The following ADGRB3 variants were observed in gnomAD, a reference collection of about 807,000 sequenced individuals.
ADGRB3 encodes the protein adhesion G protein-coupled receptor B3, also known as brain-specific angiogenesis inhibitor 3.
ADGRB3 carries 37 observed loss-of-function variants against 193.4 expected under a neutral mutation model. The observed-to-expected ratio is 0.19, with a 90% confidence interval of 0.15 to 0.25. The LOEUF is 0.25. Among genes scored for constraint, ADGRB3 ranks in the 10% least tolerant of loss-of-function variants. The pLI, the probability that ADGRB3 is intolerant of heterozygous loss-of-function variation, is 1.00. For missense variants in ADGRB3, 1,637 were observed against 1,852.9 expected (o/e 0.88, Z 2.14); for synonymous variants, 690 against 644.2 (o/e 1.07, Z -1.08).
intron 3 of ADGRB3, among the ~76,000 whole-genome samples, chr6:68,843,289 A>G: frequency 6.6e-6 from 1 of 151,988 alleles, no homozygotes; most frequent in African/African-American, 2.4e-5. Flanking sequence ...CAAAGAGTCT[A>G]CCAAAAACTA....
At chr6:68,840,395 T>C (rs1327158768) in intron 3 of ADGRB3, among the ~76,000 whole-genome samples, 5 of 70,202 alleles carry the variant, frequency 7.1e-5, no homozygotes, top group Non-Finnish European at 1.2e-4. Context: ...TTTTTTTTTT[T>C]TTTTTTTTTT....
chr6:68,896,388 A>G (rs923810098), intron 3 of ADGRB3, among the ~76,000 whole-genome samples: 1 of 152,142 alleles, frequency 6.6e-6, no homozygotes, highest in African/African-American at 2.4e-5. Flanking sequence ...TCTACTCAAT[A>G]TAAGACTATT....
chr6:68,871,998 T>A lies in ADGRB3; in HGVS notation c.758-58561T>A, dbSNP rs115511822. Among the ~76,000 whole-genome samples the A allele has an allele frequency of 3.4e-3, 518 of 152,136 alleles. 4 individuals carry two copies. Among genetic ancestry groups the A allele is most frequent in the African/African-American group, 0.011 (451 of 41,568 alleles). ...TTTTGCTAAAATTTTGTGTAACAAA[T>A]ATTTTTTCATTGATATGACTGTCTT... On this transcript the variant is annotated intron_variant, in intron 3 of 31. Coordinates refer to ENST00000370598, the MANE Select transcript of ADGRB3 (RefSeq NM_001704.3).
At chr6:68,756,511 C>T (rs1177620749) in intron 3 of ADGRB3, among the ~76,000 whole-genome samples, 2 of 152,040 alleles carry the variant, frequency 1.3e-5, no homozygotes, top group Non-Finnish European at 2.9e-5. Flanking sequence ...GCATGGGCTT[C>T]TTATTTTTGA....
intron 3 of ADGRB3, among the ~76,000 whole-genome samples, chr6:68,649,251 A>G (rs1005849235): frequency 6.6e-6 from 1 of 152,172 alleles, no homozygotes; most frequent in Non-Finnish European, 1.5e-5. Context: ...TCCAAATCTT[A>G]CCTGATTAAT....
intron 17 of ADGRB3, among the ~76,000 whole-genome samples, chr6:69,143,598 A>G (rs371061215): frequency 9.9e-5 from 15 of 152,280 alleles, no homozygotes; most frequent in South Asian, 6.2e-4. Flanking sequence ...TCTTCTGCAT[A>G]TGGATATCCG....
chr6:69,303,605 T>G (rs1473417750), intron 20 of ADGRB3, among the ~76,000 whole-genome samples: 6 of 151,964 alleles, frequency 3.9e-5, no homozygotes, highest in Non-Finnish European at 8.8e-5. Context: ...CCTGACAGTT[T>G]TGGCATCTAT....
intron 3 of ADGRB3, among the ~76,000 whole-genome samples, chr6:68,868,511 T>C (rs1765366503): frequency 6.6e-6 from 1 of 152,234 alleles, no homozygotes; most frequent in Non-Finnish European, 1.5e-5. Flanking sequence ...CAAACCATTT[T>C]ATATATAACA....
chr6:69,274,299 C>G (rs1235046692), intron 20 of ADGRB3, among the ~76,000 whole-genome samples: 1 of 152,170 alleles, frequency 6.6e-6, no homozygotes, highest in Non-Finnish European at 1.5e-5. Flanking sequence ...CCCTTCAATC[C>G]TCAGGTCACA....
At chr6:69,296,301 G>A (rs1767815593) in intron 20 of ADGRB3, among the ~76,000 whole-genome samples, 1 of 152,152 alleles carries the variant, frequency 6.6e-6, no homozygotes, top group South Asian at 2.1e-4. Flanking sequence ...TGAAAAACTA[G>A]CTTGCATGGT....
At chr6:69,270,293 A>T (rs1341155403) in intron 20 of ADGRB3, among the ~76,000 whole-genome samples, 1 of 152,206 alleles carries the variant, frequency 6.6e-6, no homozygotes, top group Non-Finnish European at 1.5e-5. Context: ...AGCAACAAGA[A>T]GAAAGGATGT....
intron 17 of ADGRB3, among the ~76,000 whole-genome samples, chr6:69,186,855 C>T (rs542566631): frequency 6.6e-6 from 1 of 151,518 alleles, no homozygotes; most frequent in African/African-American, 2.4e-5. Flanking sequence ...AGTACTATTA[C>T]CAGTGCTTGG....
intron 11 of ADGRB3, among the ~76,000 whole-genome samples, chr6:69,003,835 A>T (rs1314097207): frequency 2.6e-5 from 4 of 152,196 alleles, no homozygotes; most frequent in African/African-American, 9.7e-5. Flanking sequence ...GAGGGGAACT[A>T]ACAAGCTCCA....
chr6:68,810,879 A>C (rs962114409), intron 3 of ADGRB3, among the ~76,000 whole-genome samples: 1 of 152,178 alleles, frequency 6.6e-6, no homozygotes, highest in Admixed American at 6.5e-5. Flanking sequence ...ATTTGGTAAA[A>C]ATAAAAAGTA....
At chr6:68,889,290 T>A (rs1196481854) in intron 3 of ADGRB3, among the ~76,000 whole-genome samples, 1 of 152,152 alleles carries the variant, frequency 6.6e-6, no homozygotes, top group African/African-American at 2.4e-5. Context: ...AAGTTATGAC[T>A]GAAAAAAACA....
chr6:68,849,214 C>T (rs1378231302), intron 3 of ADGRB3, among the ~76,000 whole-genome samples: 2 of 151,934 alleles, frequency 1.3e-5, no homozygotes, highest in African/African-American at 2.4e-5. Flanking sequence ...AGTGAAAGTA[C>T]TTCCTAATAT....
chr6:68,869,231 C>T (rs531046573), intron 3 of ADGRB3, among the ~76,000 whole-genome samples: 1 of 152,062 alleles, frequency 6.6e-6, no homozygotes, highest in African/African-American at 2.4e-5. Context: ...ACCAAAGACT[C>T]CCAAGTTTTT....
chr6:68,815,093 T>C (rs1767603113), intron 3 of ADGRB3, among the ~76,000 whole-genome samples: 1 of 152,128 alleles, frequency 6.6e-6, no homozygotes, highest in Admixed American at 6.6e-5. Flanking sequence ...AGGGATGCCC[T>C]CTCTCACCAC....
chr6:69,086,426 A>G (rs1772552842), intron 17 of ADGRB3, among the ~76,000 whole-genome samples: 1 of 152,142 alleles, frequency 6.6e-6, no homozygotes, highest in African/African-American at 2.4e-5. Context: ...TCACTAGTGT[A>G]GTAAGCTAGC....
Sources: allele counts gnomAD v4.1 joint callset (sites outside exome capture counted in the v4.1 genomes callset), GRCh38; gene constraint gnomAD v4.1.1; transcripts MANE v1.5; gene names NCBI Gene and HGNC (gene_info 2026-07-23, HGNC 2026-07-21).